PSEN2: variants seen among roughly 807,000 people sequenced by gnomAD.
The protein encoded by PSEN2 is presenilin-2.
A neutral mutation model predicts 49.1 loss-of-function variants in PSEN2; 32 were observed. The ratio of observed to expected loss-of-function variants is 0.65; its 90% CI spans 0.49 to 0.88. The LOEUF (loss-of-function observed/expected upper bound fraction) is 0.88. PSEN2 is among the 40% of genes least tolerant of loss of function. The pLI, the probability that PSEN2 is intolerant of heterozygous loss-of-function variation, is 0.00. For synonymous variants in PSEN2, 255 were observed against 244.0 expected (o/e 1.05, Z -0.42); for missense variants, 522 against 586.9 (o/e 0.89, Z 1.14).
At chr1:226,893,708 TTTG>T (rs1661910109) in intron 11 of PSEN2, among the ~76,000 whole-genome samples, 1 of 152,202 alleles carries the variant, frequency 6.6e-6, no homozygotes, top group Non-Finnish European at 1.5e-5. Context: ...TGCATTTCTA[TTTG>T]TTGTTTTCTT....
intron 4 of PSEN2, among the ~76,000 whole-genome samples, chr1:226,883,211 G>T (rs987056667): frequency 6.6e-6 from 1 of 152,128 alleles, no homozygotes; most frequent in Non-Finnish European, 1.5e-5. Flanking sequence ...GATTCTGTGG[G>T]GCAGAAAGTT....
chr1:226,903,016 C>T (rs111288222), intron 12 of PSEN2, among the ~76,000 whole-genome samples: 1,777 of 148,384 alleles, frequency 0.012, 16 homozygotes, highest in Non-Finnish European at 0.017. Context: ...TGTACTATTC[C>T]TGCAACCTTT....
chr1:226,897,330 T>C (rs1662184139), downstream of PSEN2, among the ~76,000 whole-genome samples: 1 of 152,204 alleles, frequency 6.6e-6, no homozygotes, highest in African/African-American at 2.4e-5. Context: ...TTGAGGTCTT[T>C]CAAAGGCCTG....
chr1:226,899,342 C>T (rs1042560237), downstream of PSEN2: 9 of 152,146 alleles, frequency 5.9e-5, no homozygotes, highest in African/African-American at 2.2e-4. Flanking sequence ...ACTGAACAGT[C>T]TCTCCTTTCT....
At chr1:226,872,592 C>T (rs1367145039) in intron 2 of PSEN2, among the ~76,000 whole-genome samples, 1 of 152,148 alleles carries the variant, frequency 6.6e-6, no homozygotes, top group Non-Finnish European at 1.5e-5. Context: ...AACTTCCTGA[C>T]AAACAAACAA....
intron 12 of PSEN2, among the ~76,000 whole-genome samples, chr1:226,894,952 A>C (rs1457921589): frequency 6.6e-6 from 1 of 152,212 alleles, no homozygotes; most frequent in Non-Finnish European, 1.5e-5. Flanking sequence ...CACTGCCTGC[A>C]TCAGCTGGGT....
chr1:226,900,662 C>G (rs1662287752), downstream of PSEN2, among the ~76,000 whole-genome samples: 1 of 152,106 alleles, frequency 6.6e-6, no homozygotes. Flanking sequence ...GGCCAGAAAG[C>G]TGTGGGGAAG....
At chr1:226,894,166 GC>G in intron 12 of PSEN2, 41 bp downstream of exon 12, 3 of 1,513,468 alleles carry the variant, frequency 2.0e-6, no homozygotes, top group Non-Finnish European at 1.8e-6. Flanking sequence ...CGTGGTGGGG[GC>G]CCCCAGGGTC....
intron 7 of PSEN2, 124 bp downstream of exon 7, chr1:226,888,282 C>A: frequency 1.1e-6 from 1 of 913,896 alleles, no homozygotes; most frequent in South Asian, 1.3e-5. Flanking sequence ...CAGTGCCAGC[C>A]GTTTTGGGAA....
chr1:226,876,959 C>T (rs1660668491), intron 3 of PSEN2, among the ~76,000 whole-genome samples: 1 of 152,160 alleles, frequency 6.6e-6, no homozygotes, highest in Non-Finnish European at 1.5e-5. Flanking sequence ...CCATGCCGCT[C>T]TGCTGGTCTG....
At chr1:226,888,693 G>T (rs1330847777) in intron 7 of PSEN2, 136 bp from the exon 8 acceptor site, 2 of 801,426 alleles carry the variant, frequency 2.5e-6, no homozygotes, top group Admixed American at 2.0e-5. Flanking sequence ...GCTGCAAATG[G>T]TAAATTGTAA....
In PSEN2 at chr1:226,883,783, G is replaced by A; in HGVS notation, c.220G>A (p.Gly74Ser). ...VCSGVPGRPP[G>S]LEEELTLKYG... Reference sequence around the variant, plus strand: ...TAGTGGGGTTCCCGGGCGGCCGCCAGGCCTGGAGGAAGAGCTGACCCTCAA... The same window carrying A: ...TAGTGGGGTTCCCGGGCGGCCGCCAAGCCTGGAGGAAGAGCTGACCCTCAA... Residue 74 changes from glycine (G) to serine (S), a missense_variant, in exon 5 of 13, where the codon GGC becomes AGC. By Grantham distance (56) the Gly-to-Ser change is moderately conservative. Transcript: ENST00000366783. 1 of 1,614,236 alleles carries A rather than the reference G, an allele frequency of 6.2e-7. No individual in the cohort carries two copies. The highest frequency in any genetic ancestry group is 8.5e-7 in the Non-Finnish European group (1 of 1,180,038).
chr1:226,878,790 A>G (rs1448754374), intron 3 of PSEN2, among the ~76,000 whole-genome samples: 1 of 152,210 alleles, frequency 6.6e-6, no homozygotes, highest in African/African-American at 2.4e-5. Flanking sequence ...AGGAGGTATT[A>G]AAAGAGCCAC....
At chr1:226,888,695 A>T (rs1661533524) in intron 7 of PSEN2, 134 bp from the exon 8 acceptor site, 5 of 804,988 alleles carry the variant, frequency 6.2e-6, no homozygotes, top group Non-Finnish European at 1.1e-5. Context: ...TGCAAATGGT[A>T]AATTGTAAGG....
chr1:226,887,254 G>A (rs1661418297), intron 6 of PSEN2, among the ~76,000 whole-genome samples: 1 of 152,204 alleles, frequency 6.6e-6, no homozygotes, highest in African/African-American at 2.4e-5. Context: ...GGTGGTGGCT[G>A]GGATGAAGAG....
intron 3 of PSEN2, chr1:226,880,855 C>T: frequency 6.9e-7 from 1 of 1,459,592 alleles, no homozygotes; most frequent in East Asian, 2.3e-5. Context: ...ACTTCCCCAC[C>T]TCACACGTCT....
At chr1:226,897,185 G>C (rs191135589), downstream of PSEN2, among the ~76,000 whole-genome samples, 730 of 152,266 alleles carry the variant, frequency 4.8e-3, 4 homozygotes, top group African/African-American at 0.016. Flanking sequence ...GTGACAACTC[G>C]CAAGAGGTTA....
At chr1:226,888,514 T>C (rs952497570) in intron 7 of PSEN2, among the ~76,000 whole-genome samples, 3 of 152,228 alleles carry the variant, frequency 2.0e-5, no homozygotes, top group Non-Finnish European at 4.4e-5. Flanking sequence ...TTATCTGTTC[T>C]ATCGCCCCTT....
downstream of PSEN2, among the ~76,000 whole-genome samples, chr1:226,901,327 T>C (rs1662313495): frequency 6.7e-6 from 1 of 150,286 alleles, no homozygotes; most frequent in Non-Finnish European, 1.5e-5. Context: ...TCCCAGCTAC[T>C]CAGGAGGCTG....
Sources: gnomAD v4.1 joint callset for allele counts (sites outside exome capture counted in the v4.1 genomes callset) on GRCh38, gnomAD v4.1.1 for gene constraint, MANE v1.5 for transcripts, NCBI Gene and HGNC (gene_info 2026-07-23, HGNC 2026-07-21) for gene names.